DMD: variants seen among roughly 807,000 people sequenced by gnomAD.
The protein encoded by DMD is dystrophin, also known as mutant dystrophin.
Under a neutral mutation model 330.1 loss-of-function variants are expected in DMD, and 63 were observed. That is an observed-to-expected ratio of 0.19 (90% CI 0.16 to 0.24). The LOEUF (loss-of-function observed/expected upper bound fraction) is 0.24, where lower values mean the gene tolerates loss of function less well. Ranked by LOEUF, DMD falls within the 10% of genes least tolerant of loss-of-function variation. DMD has a pLI of 1.00. For missense variants in DMD, 3,344 were observed against 2,684.1 expected, an observed-to-expected ratio of 1.25 and a Z score of -5.43; for synonymous variants, 1,223 against 959.8, an observed-to-expected ratio of 1.27 and a Z score of -5.07.
At chrX:32,242,768 T>C (rs763486575) in intron 43 of DMD, among the ~76,000 whole-genome samples, 2 of 110,634 alleles carry the variant, frequency 1.8e-5, no homozygotes, top group East Asian at 2.9e-4. Flanking sequence ...AATAATATCA[T>C]GTAGTTAGAA....
chrX:32,499,356 A>T (rs2043811961), intron 19 of DMD, among the ~76,000 whole-genome samples: 1 of 111,685 alleles, frequency 9.0e-6, no homozygotes, highest in South Asian at 3.7e-4. Flanking sequence ...AAATATTTTC[A>T]CTGTGGTAAG....
In DMD at chrX:33,230,023, A is replaced by T. The variant is rs1039450298; in HGVS notation, c.7+109236T>A. 2.7e-5 allele frequency among the ~76,000 whole-genome samples: 3 copies of T among 111,353 alleles called. No homozygotes were observed. The Admixed American group carries it at 2.9e-4, about 11-fold the overall frequency. ...TACAATGTGCTATTGTCTGCTATGC[A>T]TGTGATTACACAAAGATTGCGAACA... On this transcript the variant is annotated intron_variant, in intron 1 of 17. Coordinates refer to the DMD transcript ENST00000288447.
intron 63 of DMD, among the ~76,000 whole-genome samples, chrX:31,256,307 A>C: frequency 8.9e-6 from 1 of 112,185 alleles, no homozygotes; most frequent in Middle Eastern, 4.6e-3. Context: ...AATGTGATGT[A>C]AAAAATTTTC....
At chrX:32,833,506 T>C (rs1250256937) in intron 4 of DMD, among the ~76,000 whole-genome samples, 1 of 110,023 alleles carries the variant, frequency 9.1e-6, no homozygotes, top group East Asian at 2.8e-4. Flanking sequence ...CCTGAGTAAA[T>C]GGACACTGTC....
At chrX:32,660,459 A>T (rs996214779) in intron 9 of DMD, among the ~76,000 whole-genome samples, 1 of 111,609 alleles carries the variant, frequency 9.0e-6, no homozygotes, top group Admixed American at 9.6e-5. Flanking sequence ...AACCTCACTG[A>T]AAGTTTTCAC....
rs1331056348 is a variant in DMD at position 32,809,591 on chromosome X, T to C, written c.551A>G (p.Asn184Ser). Reference sequence around the variant, plus strand: ...GGCTGACTGCTGGCAAACCACACTATTCCAGTCAAATAGGTCTGGCCTAAA... The same window carrying C: ...GGCTGACTGCTGGCAAACCACACTACTCCAGTCAAATAGGTCTGGCCTAAA... ...HSHRPDLFDW[N>S]SVVCQQSATQ... Residue 184 changes from asparagine to serine, a missense_variant, in exon 7 of 79, where the codon AAT (asparagine) becomes AGT (serine). Transcript: ENST00000357033. 2.5e-6 allele frequency: 3 copies of C among 1,208,314 alleles called. No individual in the cohort carries two copies. Among genetic ancestry groups the C allele is most frequent in the Non-Finnish European group, 3.4e-6 (3 of 894,533 alleles).
chrX:31,879,115 G>C (rs2094013595), intron 47 of DMD, among the ~76,000 whole-genome samples: 1 of 108,267 alleles, frequency 9.2e-6, no homozygotes, highest in Non-Finnish European at 1.9e-5. Flanking sequence ...ATGCATTACT[G>C]TATTAGTCTG....
chrX:32,458,272 T>C (rs1230337811), intron 25 of DMD, among the ~76,000 whole-genome samples: 1 of 111,418 alleles, frequency 9.0e-6, no homozygotes, highest in Non-Finnish European at 1.9e-5. Context: ...CGCGTGTGTC[T>C]GGTTTATTTC....
intron 61 of DMD, among the ~76,000 whole-genome samples, chrX:31,324,392 T>C (rs2056628184): frequency 1.0e-5 from 1 of 96,902 alleles, no homozygotes; most frequent in Non-Finnish European, 2.0e-5. Context: ...ATCTTTGCAT[T>C]GTTTTTTTTT....
chrX:32,271,107 C>T (rs952292157), intron 43 of DMD, among the ~76,000 whole-genome samples: 5 of 111,666 alleles, frequency 4.5e-5, no homozygotes, highest in Admixed American at 9.5e-5. Context: ...TCCTTCAAAA[C>T]AAAGGACACA....
intron 34 of DMD, among the ~76,000 whole-genome samples, chrX:32,374,726 T>A (rs1240378847): frequency 9.0e-6 from 1 of 111,565 alleles, no homozygotes; most frequent in East Asian, 2.8e-4. Flanking sequence ...ATATTTTAAG[T>A]GGGGCAATGT....
chrX:31,169,093 G>A (rs1012714499), intron 74 of DMD, among the ~76,000 whole-genome samples: 4 of 111,315 alleles, frequency 3.6e-5, no homozygotes, highest in Admixed American at 9.5e-5. Context: ...CCAAACACAT[G>A]TAAAAAAAAT....
chrX:31,926,424 C>A (rs1166865312), intron 47 of DMD, among the ~76,000 whole-genome samples: 1 of 111,430 alleles, frequency 9.0e-6, no homozygotes, highest in African/African-American at 3.3e-5. Flanking sequence ...CACCTGTAAT[C>A]CCCGCACTTT....
At chrX:32,060,360 A>AT (rs1313802149) in intron 44 of DMD, among the ~76,000 whole-genome samples, 2 of 111,296 alleles carry the variant, frequency 1.8e-5, no homozygotes, top group Non-Finnish European at 3.8e-5. Context: ...CAATTTGTCA[A>AT]TTTTTTGGAA....
intron 9 of DMD, among the ~76,000 whole-genome samples, chrX:32,656,719 C>A (rs1409514535): frequency 8.9e-6 from 1 of 111,898 alleles, no homozygotes; most frequent in African/African-American, 3.2e-5. Flanking sequence ...CTAACCCTTG[C>A]ATTGTAGGAA....
chrX:32,360,783 C>CCA (rs967912312), intron 37 of DMD, among the ~76,000 whole-genome samples: 20 of 90,335 alleles, frequency 2.2e-4, no homozygotes, highest in Non-Finnish European at 3.6e-4. Context: ...AGAGTCTCCA[C>CCA]CACACACACA....
At chrX:31,590,475 C>CAGACTAGTGTTTTCCT (rs1354276777) in intron 55 of DMD, among the ~76,000 whole-genome samples, 1 of 111,587 alleles carries the variant, frequency 9.0e-6, no homozygotes, top group Non-Finnish European at 1.9e-5. Context: ...AGTATATTTT[C>CAGACTAGTGTTTTCCT]AGACTAGTGT....
intron 55 of DMD, among the ~76,000 whole-genome samples, chrX:31,538,371 A>G (rs2073569235): frequency 8.9e-6 from 1 of 112,311 alleles, no homozygotes; most frequent in Non-Finnish European, 1.9e-5. Flanking sequence ...TGTAGTAGTT[A>G]CTTGTTTAAT....
At chrX:31,475,155 T>G (rs1258794003) in intron 59 of DMD, among the ~76,000 whole-genome samples, 1 of 111,892 alleles carries the variant, frequency 8.9e-6, no homozygotes, top group Non-Finnish European at 1.9e-5. Flanking sequence ...TATATATGTC[T>G]GAGAAAGATA....
Sources: allele counts gnomAD v4.1 joint callset (sites outside exome capture counted in the v4.1 genomes callset), GRCh38; gene constraint gnomAD v4.1.1; transcripts MANE v1.5; gene names NCBI Gene and HGNC (gene_info 2026-07-23, HGNC 2026-07-21).